WWOX: variants seen among roughly 807,000 people sequenced by gnomAD.
WWOX encodes WW domain containing oxidoreductase.
WWOX carries 69 observed loss-of-function variants against 46.2 expected under a neutral mutation model. The ratio of observed to expected loss-of-function variants is 1.49; its 90% CI spans 1.23 to 1.82. The LOEUF (loss-of-function observed/expected upper bound fraction) is 1.82, where lower values mean the gene tolerates loss of function less well. WWOX is among the 40% of genes most tolerant of loss of function. WWOX has a pLI of 0.00. For missense variants in WWOX, 919 were observed against 542.6 expected (o/e 1.69, Z -6.89); for synonymous variants, 359 against 202.6 (o/e 1.77, Z -6.56).
chr16:78,553,693 A>G (rs2044225314), intron 8 of WWOX, among the ~76,000 whole-genome samples: 2 of 152,038 alleles, frequency 1.3e-5, no homozygotes, highest in African/African-American at 4.8e-5. Flanking sequence ...ATGATAGAGA[A>G]CCTTTCCCTA....
chr16:78,752,925 C>G (rs984285428), intron 8 of WWOX, among the ~76,000 whole-genome samples: 11 of 152,218 alleles, frequency 7.2e-5, no homozygotes, highest in Non-Finnish European at 1.6e-4. Flanking sequence ...ACGGCACACT[C>G]CAGCTTAAAT....
chr16:78,988,941 G>C (rs2046832454), intron 8 of WWOX, among the ~76,000 whole-genome samples: 1 of 152,150 alleles, frequency 6.6e-6, no homozygotes, highest in Non-Finnish European at 1.5e-5. Context: ...TTGTTGGAAG[G>C]TTTCATTTTG....
chr16:79,008,455 G>A (rs914591951), intron 8 of WWOX, among the ~76,000 whole-genome samples: 1 of 152,128 alleles, frequency 6.6e-6, no homozygotes, highest in South Asian at 2.1e-4. Flanking sequence ...ACTCAGGGGG[G>A]CAAATTATCC....
chr16:78,608,980 G>A (rs992399829), intron 8 of WWOX, among the ~76,000 whole-genome samples: 4 of 152,100 alleles, frequency 2.6e-5, no homozygotes, highest in Admixed American at 1.3e-4. Context: ...AATCTAGCAT[G>A]TCTGGGGAGC....
intron 8 of WWOX, among the ~76,000 whole-genome samples, chr16:78,560,163 T>C (rs2044400503): frequency 6.6e-6 from 1 of 152,222 alleles, no homozygotes; most frequent in South Asian, 2.1e-4. Context: ...AGGGCTTTTC[T>C]CCAGCTAGTA....
rs74035127 is a variant in WWOX, at chr16:78,860,450, G to A, written c.1057-351158G>A. Among the ~76,000 whole-genome samples the A allele has an allele frequency of 8.3e-3, 1,260 of 152,158 alleles. 20 individuals are homozygous for A. Among genetic ancestry groups the A allele is most frequent in the African/African-American group, 0.029 (1,196 of 41,492 alleles). ...AGTCAATGAAGATCACAATGAATTG[G>A]CTAGACTTTGATTTATTCATTTATG... On this transcript the variant is annotated intron_variant, in intron 8 of 8. Coordinates refer to ENST00000566780, the MANE Select transcript of WWOX (RefSeq NM_016373.4).
chr16:78,610,461 A>C (rs1434179163), intron 8 of WWOX, among the ~76,000 whole-genome samples: 1 of 152,208 alleles, frequency 6.6e-6, no homozygotes, highest in Non-Finnish European at 1.5e-5. Context: ...TTCTTATTTA[A>C]AAGATAAAAG....
At chr16:78,722,233 A>G (rs2048710152) in intron 8 of WWOX, among the ~76,000 whole-genome samples, 1 of 152,032 alleles carries the variant, frequency 6.6e-6, no homozygotes, top group African/African-American at 2.4e-5. Context: ...ATGGTCACTG[A>G]CTCCGGGTTC....
intron 8 of WWOX, chr16:78,535,591 T>C (rs1315352792): frequency 6.6e-6 from 1 of 152,170 alleles, no homozygotes; most frequent in African/African-American, 2.4e-5. Context: ...CTTTGAAATA[T>C]TTTTTTGAAA....
At chr16:78,453,026 C>G in intron 8 of WWOX, among the ~76,000 whole-genome samples, 1 of 151,344 alleles carries the variant, frequency 6.6e-6, no homozygotes, top group Non-Finnish European at 1.5e-5. Context: ...GGATTACAGG[C>G]ACCTGCCTTC....
At chr16:78,147,478 T>G (rs922849523) in intron 4 of WWOX, among the ~76,000 whole-genome samples, 4 of 152,264 alleles carry the variant, frequency 2.6e-5, no homozygotes, top group East Asian at 1.9e-4. Flanking sequence ...CGATGGAGAA[T>G]GAAAAGTCAA....
At chr16:78,847,875 C>T (rs1258790021) in intron 8 of WWOX, among the ~76,000 whole-genome samples, 4 of 152,314 alleles carry the variant, frequency 2.6e-5, no homozygotes, top group East Asian at 3.9e-4. Context: ...GCAGCAGAGG[C>T]ATGACAAGCG....
At chr16:78,952,974 A>G (rs957796622) in intron 8 of WWOX, among the ~76,000 whole-genome samples, 3 of 152,128 alleles carry the variant, frequency 2.0e-5, no homozygotes, top group African/African-American at 7.2e-5. Flanking sequence ...AAACCACACA[A>G]TGCTCATGAA....
intron 5 of WWOX, among the ~76,000 whole-genome samples, chr16:78,202,156 C>T (rs12148995): frequency 0.13 from 19,956 of 152,204 alleles, 1,517 homozygotes; most frequent in South Asian, 0.25. Flanking sequence ...TCCTGTACTC[C>T]CCACAAACCT....
chr16:78,484,625 G>A (rs1183076557), intron 8 of WWOX, among the ~76,000 whole-genome samples: 1 of 152,206 alleles, frequency 6.6e-6, no homozygotes, highest in Non-Finnish European at 1.5e-5. Context: ...GCAAACGGTA[G>A]TATTTGTGTG....
chr16:78,690,849 G>A (rs944452878), intron 8 of WWOX, among the ~76,000 whole-genome samples: 2 of 152,178 alleles, frequency 1.3e-5, no homozygotes, highest in African/African-American at 4.8e-5. Context: ...GCCTACCCAG[G>A]ATGGCTTGAT....
chr16:78,192,196 T>C (rs2055172967), intron 5 of WWOX, among the ~76,000 whole-genome samples: 1 of 151,992 alleles, frequency 6.6e-6, no homozygotes, highest in Non-Finnish European at 1.5e-5. Context: ...GTTGAAATTA[T>C]TAAAAAAGAA....
At position 79,071,372 on chromosome 16, in the gene WWOX, C is replaced by T. The variant is rs138633871; in HGVS notation, c.1057-140236C>T. 5.1e-3 allele frequency among the ~76,000 whole-genome samples: 776 copies of T among 152,294 alleles called. 1 individual carries two copies. Among genetic ancestry groups the T allele is most frequent in the Non-Finnish European group, 9.2e-3 (628 of 68,016 alleles). On this transcript the variant is annotated intron_variant, in intron 8 of 8. Coordinates refer to ENST00000566780, the MANE Select transcript of WWOX (RefSeq NM_016373.4). Reference sequence around the variant, plus strand: ...AAGGAAGCCAGAAAAGCTTTTCAACCATTTGAGAGGGTGTGAAATACAGAA... The same window carrying T: ...AAGGAAGCCAGAAAAGCTTTTCAACTATTTGAGAGGGTGTGAAATACAGAA...
At chr16:78,878,583 G>T (rs368167447) in intron 8 of WWOX, among the ~76,000 whole-genome samples, 1 of 152,036 alleles carries the variant, frequency 6.6e-6, no homozygotes, top group Admixed American at 6.6e-5. Flanking sequence ...TATTTTACAG[G>T]GTTGCTATGA....
Sources: allele counts gnomAD v4.1 joint callset (sites outside exome capture counted in the v4.1 genomes callset), GRCh38; gene constraint gnomAD v4.1.1; transcripts MANE v1.5; gene names NCBI Gene and HGNC (gene_info 2026-07-23, HGNC 2026-07-21).